Variants in PDPN observed in about 807,000 individuals in gnomAD.
The protein encoded by PDPN is podoplanin, also known as PA2.26 antigen.
PDPN carries 12 observed loss-of-function variants against 23.2 expected under a neutral mutation model. The observed-to-expected ratio is 0.52, with a 90% CI of 0.33 to 0.84. The LOEUF (loss-of-function observed/expected upper bound fraction) is 0.84, where lower values mean the gene tolerates loss of function less well. Ranked by LOEUF, PDPN falls within the 40% of genes least tolerant of loss-of-function variation. PDPN has a pLI of 0.02. For synonymous variants in PDPN, 77 were observed against 76.7 expected (o/e 1.00, Z -0.02); for missense variants, 199 against 212.2 (o/e 0.94, Z 0.39).
At chr1:13,583,788 C>T, upstream of PDPN, 1 of 1,516,788 alleles carries the variant, frequency 6.6e-7, no homozygotes. Context: ...CGCTCCCCCG[C>T]CTCCTCGGGA....
chr1:13,608,564 C>T (rs1341778674), intron 2 of PDPN, among the ~76,000 whole-genome samples: 2 of 152,182 alleles, frequency 1.3e-5, no homozygotes, highest in South Asian at 4.1e-4. Context: ...TTATAATTCT[C>T]AAGTTTGATG....
chr1:13,615,073 G>A (rs1293567084), intron 5 of PDPN, among the ~76,000 whole-genome samples: 1 of 152,180 alleles, frequency 6.6e-6, no homozygotes, highest in Non-Finnish European at 1.5e-5. Context: ...CTGTCACAGA[G>A]TCGGCAGCCC....
intron 1 of PDPN, among the ~76,000 whole-genome samples, chr1:13,585,854 T>C (rs1222930484): frequency 6.6e-6 from 1 of 152,154 alleles, no homozygotes; most frequent in East Asian, 1.9e-4. Flanking sequence ...GCGAAGCTAT[T>C]GTGGGCTTTT....
chr1:13,613,784 A>C lies in PDPN; in HGVS notation c.370+59A>C, dbSNP rs1009692161. 3 of 932,110 alleles carry C rather than the reference A, an allele frequency of 3.2e-6. No individual in the cohort carries two copies. The African/African-American group carries it at 4.9e-5, about 15-fold the overall frequency. The allele number at this position is 932,110 out of a possible 1,614,324, so 57.7% of individuals were successfully genotyped here. A position where few individuals can be genotyped will look rare whatever the true frequency, so the allele number is the denominator to read the frequency against. On this transcript the variant is annotated intron_variant, in intron 4 of 5. Coordinates refer to ENST00000621990, the MANE Select transcript of PDPN (RefSeq NM_006474.5). Reference sequence around the variant, plus strand: ...TGGGGTTTTTTAAAAATTTCTTTGAAGCTAATTGTTGAGACGAATTGCGTT... The same window carrying C: ...TGGGGTTTTTTAAAAATTTCTTTGACGCTAATTGTTGAGACGAATTGCGTT...
Position 13,617,810 on chromosome 1 carries a change from C to T in PDPN, c.*1899C>T, listed in dbSNP as rs1018267346. On this transcript the variant is annotated 3_prime_UTR_variant, in exon 6 of 6. Coordinates refer to ENST00000621990, the MANE Select transcript of PDPN (RefSeq NM_006474.5). ...TTTTCTTTCCTATCCTTTCTTCCCC[C>T]CTCACTGTGAAAAATAACAGTCCAC... 5.9e-5 allele frequency: 9 copies of T among 152,042 alleles called. No individual in the cohort carries two copies. Among genetic ancestry groups the T allele is most frequent in the South Asian group, 2.1e-4 (1 of 4,818 alleles). The allele number at this position is 152,042 out of a possible 1,614,324, so 9.4% of individuals were successfully genotyped here. A position where few individuals can be genotyped will look rare whatever the true frequency, so the allele number is the denominator to read the frequency against.
At chr1:13,609,139 G>A (rs1193722153) in intron 2 of PDPN, among the ~76,000 whole-genome samples, 2 of 152,192 alleles carry the variant, frequency 1.3e-5, no homozygotes, top group African/African-American at 4.8e-5. Context: ...AGTTAGAATA[G>A]AGACTGTGTG....
At chr1:13,585,912 C>G (rs539079519) in intron 1 of PDPN, among the ~76,000 whole-genome samples, 3 of 152,222 alleles carry the variant, frequency 2.0e-5, no homozygotes, top group Admixed American at 2.0e-4. Flanking sequence ...ATTTTATGAT[C>G]CTTTTCATAA....
chr1:13,585,785 G>A (rs533545891), intron 1 of PDPN: 45 of 516,834 alleles, frequency 8.7e-5, no homozygotes, highest in South Asian at 6.9e-4. Flanking sequence ...GGCCCAGCAG[G>A]GTTTTTGTCT....
Position 13,617,831 on chromosome 1 carries a change from T to C in PDPN, c.*1920T>C, listed in dbSNP as rs12137857. The C allele has an allele frequency of 8.3e-3, 1,259 of 152,208 alleles. 20 individuals carry two copies. Among genetic ancestry groups the C allele is most frequent in the East Asian group, 0.051 (265 of 5,162 alleles). The allele number at this position is 152,208 out of a possible 1,614,324, so 9.4% of individuals were successfully genotyped here. ...CCCCCCTCACTGTGAAAAATAACAG[T>C]CCACCCCAAGTCATACACTGGACCC... On this transcript the variant is annotated 3_prime_UTR_variant, in exon 6 of 6. Coordinates refer to ENST00000621990, the MANE Select transcript of PDPN (RefSeq NM_006474.5).
intron 3 of PDPN, among the ~76,000 whole-genome samples, chr1:13,611,779 A>C (rs955748259): frequency 2.0e-5 from 3 of 152,194 alleles, no homozygotes; most frequent in Non-Finnish European, 4.4e-5. Flanking sequence ...GGGGAACCTT[A>C]TAAAGGGCTT....
At chr1:13,603,530 C>A (rs1456352102) in intron 1 of PDPN, among the ~76,000 whole-genome samples, 1 of 151,702 alleles carries the variant, frequency 6.6e-6, no homozygotes, top group Admixed American at 6.6e-5. Flanking sequence ...AAATTAAGAA[C>A]CCCAAGTGAC....
chr1:13,610,263 T>A, intron 2 of PDPN, 124 bp from the exon 3 acceptor site: 1 of 708,636 alleles, frequency 1.4e-6, no homozygotes. Flanking sequence ...TTCTTCTACT[T>A]GCAATTCATG....
intron 1 of PDPN, among the ~76,000 whole-genome samples, chr1:13,605,809 G>A (rs1640771384): frequency 6.6e-6 from 1 of 151,732 alleles, no homozygotes; most frequent in South Asian, 2.1e-4. Flanking sequence ...TTTTAGTAGA[G>A]ATGGGATTTC....
At chr1:13,606,951 TTC>T (rs1640803574) in intron 1 of PDPN, among the ~76,000 whole-genome samples, 1 of 152,254 alleles carries the variant, frequency 6.6e-6, no homozygotes, top group Admixed American at 6.5e-5. Flanking sequence ...TGTTTTCATT[TTC>T]CTTTGCTTTG....
At chr1:13,585,651 A>G (rs752348808) in intron 1 of PDPN, 25 of 1,351,616 alleles carry the variant, frequency 1.8e-5, no homozygotes, top group Non-Finnish European at 2.3e-5. Flanking sequence ...TACTCCTAAA[A>G]GATGGCGTTA....
intron 3 of PDPN, among the ~76,000 whole-genome samples, chr1:13,611,280 C>A (rs868650797): frequency 6.7e-6 from 1 of 150,176 alleles, no homozygotes; most frequent in Non-Finnish European, 1.5e-5. Context: ...TTTTTTTGTA[C>A]CCCCATGTTT....
chr1:13,587,057 T>C (rs1237707987), intron 1 of PDPN, among the ~76,000 whole-genome samples: 7 of 152,238 alleles, frequency 4.6e-5, no homozygotes, highest in African/African-American at 1.7e-4. Flanking sequence ...CTCAAAAATA[T>C]ATATAAAAAC....
At position 13,607,170 on chromosome 1, in the gene PDPN, C is replaced by T. The variant is rs754282266; in HGVS notation, c.68-3C>T. ...AAGCTCTGACTCAATCTTTCTTCTT[C>T]AGCCAGCACAGGCCAGCCAGAAGAT... is the stretch of plus-strand genomic sequence containing the variant. On this transcript the variant is annotated splice_region_variant and splice_polypyrimidine_tract_variant and intron_variant, in intron 1 of 5. Transcript: ENST00000621990. 2 of 1,612,940 alleles carry T rather than the reference C, an allele frequency of 1.2e-6. No homozygotes were observed. Among genetic ancestry groups the T allele is most frequent in the Non-Finnish European group, 1.7e-6 (2 of 1,179,536 alleles).
intron 1 of PDPN, among the ~76,000 whole-genome samples, chr1:13,591,559 CTA>C (rs1234488532): frequency 2.0e-5 from 3 of 152,142 alleles, no homozygotes; most frequent in Non-Finnish European, 4.4e-5. Flanking sequence ...CTTTCTGTCT[CTA>C]TGGATTTGCT....
Sources: allele counts gnomAD v4.1 joint callset (sites outside exome capture counted in the v4.1 genomes callset), GRCh38; gene constraint gnomAD v4.1.1; transcripts MANE v1.5; gene names NCBI Gene and HGNC (gene_info 2026-07-23, HGNC 2026-07-21).